PPP2R5E: variants seen among roughly 807,000 people sequenced by gnomAD.
PPP2R5E encodes serine/threonine-protein phosphatase 2A 56 kDa regulatory subunit epsilon isoform.
PPP2R5E carries 4 observed loss-of-function variants against 65.3 expected under a neutral mutation model. The observed-to-expected ratio is 0.06, with a 90% CI of 0.03 to 0.14. The LOEUF (loss-of-function observed/expected upper bound fraction) is 0.14. PPP2R5E is among the 10% of genes least tolerant of loss of function. The probability of loss-of-function intolerance (pLI) is 1.00; values close to 1 mark genes in which losing one functional copy is unlikely to be tolerated. For synonymous variants in PPP2R5E, 183 were observed against 187.4 expected (o/e 0.98, Z 0.19); for missense variants, 274 against 556.1 (o/e 0.49, Z 5.10).
intron 2 of PPP2R5E, among the ~76,000 whole-genome samples, chr14:63,488,704 C>T (rs139803771): frequency 0.015 from 2,316 of 151,352 alleles, 38 homozygotes; most frequent in Non-Finnish European, 0.019. Context: ...CAAAAATTAG[C>T]CTGGCGTGGT....
intron 2 of PPP2R5E, among the ~76,000 whole-genome samples, chr14:63,494,989 A>C (rs950865714): frequency 1.3e-5 from 2 of 151,962 alleles, no homozygotes; most frequent in Non-Finnish European, 2.9e-5. Flanking sequence ...GGATCACTGG[A>C]TGTCAGGAGT....
intron 3 of PPP2R5E, among the ~76,000 whole-genome samples, chr14:63,427,354 T>C (rs1339893743): frequency 6.6e-6 from 1 of 152,218 alleles, no homozygotes; most frequent in African/African-American, 2.4e-5. Flanking sequence ...ATTAGATACA[T>C]TTATTTTTCA....
intron 2 of PPP2R5E, among the ~76,000 whole-genome samples, chr14:63,500,784 C>G (rs73276591): frequency 2.6e-5 from 4 of 151,438 alleles, no homozygotes; most frequent in Admixed American, 6.6e-5. Flanking sequence ...GAGGATCTCT[C>G]GAGCCTGGGA....
rs1455493032 is a variant in PPP2R5E at position 63,373,072 on chromosome 14, G to A, written c.*2937C>T. 6.6e-6 allele frequency: 1 copy of A among 152,122 alleles called. No homozygotes were observed. The highest frequency in any genetic ancestry group is 1.9e-4 in the East Asian group (1 of 5,196). 9.4% of individuals were successfully genotyped at this position (152,122 alleles called of 1,614,324 possible). On this transcript the variant is annotated 3_prime_UTR_variant, in exon 14 of 14. Coordinates refer to ENST00000337537, the MANE Select transcript of PPP2R5E (RefSeq NM_006246.5). Reference sequence around the variant, plus strand: ...GGAATGCATGCTTGATTCAAAGTATGAGATGGGTGAATTCACTCACATAGT... The same window carrying A: ...GGAATGCATGCTTGATTCAAAGTATAAGATGGGTGAATTCACTCACATAGT...
chr14:63,430,393 A>ATG (rs1887597407), intron 3 of PPP2R5E, among the ~76,000 whole-genome samples: 45 of 139,028 alleles, frequency 3.2e-4, no homozygotes, highest in African/African-American at 1.4e-3. Flanking sequence ...ATACATACAT[A>ATG]CATACATGCA....
intron 2 of PPP2R5E, among the ~76,000 whole-genome samples, chr14:63,518,877 C>T (rs1048906505): frequency 3.9e-5 from 6 of 151,962 alleles, no homozygotes; most frequent in Non-Finnish European, 7.4e-5. Context: ...CCTTTACTTT[C>T]TTAATAAACT....
chr14:63,387,458 C>T (rs998789731), intron 11 of PPP2R5E, among the ~76,000 whole-genome samples: 4 of 152,188 alleles, frequency 2.6e-5, no homozygotes, highest in Non-Finnish European at 5.9e-5. Flanking sequence ...GTGTCACCAG[C>T]GTGCAGACCT....
chr14:63,508,197 A>C (rs1594953982), intron 2 of PPP2R5E: 1 of 984,940 alleles, frequency 1.0e-6, no homozygotes, highest in Non-Finnish European at 1.2e-6. Context: ...CTCCTCGCAC[A>C]CCTCACACAC....
intron 2 of PPP2R5E, among the ~76,000 whole-genome samples, chr14:63,459,947 TCGA>T: frequency 6.6e-6 from 1 of 152,326 alleles, no homozygotes; most frequent in South Asian, 2.1e-4. Context: ...TAGGTGAATG[TCGA>T]GTTGGCTGCT....
At chr14:63,522,666 C>A (rs949142668) in intron 2 of PPP2R5E, among the ~76,000 whole-genome samples, 1 of 150,840 alleles carries the variant, frequency 6.6e-6, no homozygotes, top group Non-Finnish European at 1.5e-5. Flanking sequence ...AGCGTCTCTG[C>A]CCGGCCGCGA....
intron 2 of PPP2R5E, among the ~76,000 whole-genome samples, chr14:63,465,466 AAAAAAAACAAC>A (rs770103405): frequency 0.26 from 37,652 of 144,458 alleles, 6,086 homozygotes; most frequent in African/African-American, 0.43. Flanking sequence ...AAAAAAAAAA[AAAAAAAACAAC>A]AACTAACAAA....
intron 5 of PPP2R5E, among the ~76,000 whole-genome samples, chr14:63,398,715 G>T (rs1050176246): frequency 1.3e-5 from 2 of 152,148 alleles, no homozygotes; most frequent in African/African-American, 4.8e-5. Flanking sequence ...GCTTGAACCT[G>T]GGAGGTGGAG....
intron 1 of PPP2R5E, among the ~76,000 whole-genome samples, chr14:63,540,984 A>T (rs10136489): frequency 6.6e-6 from 1 of 152,054 alleles, no homozygotes; most frequent in African/African-American, 2.4e-5. Flanking sequence ...CCATTGATAC[A>T]TTTTCCCAAG....
chr14:63,453,585 A>G (rs1427038788), intron 3 of PPP2R5E, 104 bp downstream of exon 3: 2 of 1,120,174 alleles, frequency 1.8e-6, no homozygotes, highest in Admixed American at 2.5e-5. Flanking sequence ...GTTGGCTCTC[A>G]TTTGTGGAGT....
At chr14:63,531,396 T>C (rs768168564) in intron 2 of PPP2R5E, among the ~76,000 whole-genome samples, 25 of 152,068 alleles carry the variant, frequency 1.6e-4, no homozygotes, top group Admixed American at 3.9e-4. Context: ...TTTGGTTTTT[T>C]GTCCTTGCGA....
intron 2 of PPP2R5E, among the ~76,000 whole-genome samples, chr14:63,539,124 T>C (rs1032515031): frequency 3.9e-5 from 6 of 152,204 alleles, no homozygotes; most frequent in Admixed American, 3.9e-4. Context: ...TACCATTTTC[T>C]ATATGTAAAT....
Position 63,539,681 on chromosome 14 carries a change from G to A in PPP2R5E, c.5C>T (p.Ser2Phe). The change falls in exon 2 of 14, where the codon TCC (serine) becomes TTC (phenylalanine). Residue 2 changes from serine (S) to phenylalanine (F), a missense_variant. This residue lies in a region of PPP2R5E where 58 missense variants were observed against 64.8 expected (regional missense o/e 0.90). Transcript: ENST00000337537. M[S>F]SAPTTPPSVD... ...TGATGGAGGAGTAGTTGGTGCTGAG[G>A]ACATATCCCTACTGAAGAGAAAGAA... 3 of 1,613,300 alleles carry A rather than the reference G, an allele frequency of 1.9e-6. No homozygotes were observed. Among genetic ancestry groups the A allele is most frequent in the South Asian group, 1.1e-5 (1 of 90,980 alleles).
chr14:63,498,690 C>G (rs1443971476), intron 2 of PPP2R5E, among the ~76,000 whole-genome samples: 2 of 152,006 alleles, frequency 1.3e-5, no homozygotes, highest in Non-Finnish European at 2.9e-5. Flanking sequence ...TAACAAAGTG[C>G]TAGGATCACA....
intron 5 of PPP2R5E, among the ~76,000 whole-genome samples, chr14:63,413,548 C>T (rs1001115895): frequency 3.9e-5 from 6 of 152,128 alleles, no homozygotes; most frequent in East Asian, 1.9e-4. Context: ...TAAAATGGGG[C>T]GGAGGGTGAG....
Sources: gnomAD v4.1 joint callset for allele counts (sites outside exome capture counted in the v4.1 genomes callset) on GRCh38, gnomAD v4.1.1 for gene constraint, gnomAD v4.1.1 regional missense constraint, MANE v1.5 for transcripts, NCBI Gene and HGNC (gene_info 2026-07-23, HGNC 2026-07-21) for gene names.